Variants in COL25A1 observed in about 807,000 individuals in gnomAD.
The protein encoded by COL25A1 is collagen alpha-1(XXV) chain.
A neutral mutation model predicts 128.4 loss-of-function variants in COL25A1; 103 were observed. The observed-to-expected ratio is 0.80, with a 90% CI of 0.68 to 0.94. COL25A1 has a LOEUF of 0.94. Ranked by LOEUF, COL25A1 falls within the 40% of genes least tolerant of loss-of-function variation. The probability of loss-of-function intolerance (pLI) is 0.00; values close to 1 mark genes in which losing one functional copy is unlikely to be tolerated. For missense variants in COL25A1, 745 were observed against 840.0 expected, an observed-to-expected ratio of 0.89 and a Z score of 1.40; for synonymous variants, 279 against 277.2, an observed-to-expected ratio of 1.01 and a Z score of -0.06.
chr4:108,856,493 G>C (rs1736521969), intron 24 of COL25A1, among the ~76,000 whole-genome samples: 1 of 152,088 alleles, frequency 6.6e-6, no homozygotes, highest in Non-Finnish European at 1.5e-5. Context: ...ACTGGTTAGA[G>C]AATTAGAAGA....
intron 3 of COL25A1, among the ~76,000 whole-genome samples, chr4:109,171,703 A>G (rs1773604482): frequency 6.6e-6 from 1 of 152,222 alleles, no homozygotes; most frequent in South Asian, 2.1e-4. Context: ...CTACTTTGAC[A>G]TAACACCTGA....
At chr4:109,054,966 G>C (rs1240499193) in intron 3 of COL25A1, among the ~76,000 whole-genome samples, 1 of 152,166 alleles carries the variant, frequency 6.6e-6, no homozygotes, top group Non-Finnish European at 1.5e-5. Context: ...GGAGACAGCG[G>C]ATCATCCTTT....
intron 3 of COL25A1, among the ~76,000 whole-genome samples, chr4:109,193,995 G>C (rs1775819895): frequency 6.6e-6 from 1 of 152,146 alleles, no homozygotes; most frequent in Non-Finnish European, 1.5e-5. Context: ...CAAGGTCTTT[G>C]ACTAATACCA....
In COL25A1 at chr4:109,106,178, T is replaced by C. The variant is rs974787370; in HGVS notation, c.368-55999A>G. ...AGCTATACAAATTATCTTTCTCTTT[T>C]TGCCTCCCTACTCCTATCCCACAAT... On this transcript the variant is annotated intron_variant, in intron 3 of 37. Transcript: ENST00000399132. Among the ~76,000 whole-genome samples the C allele has an allele frequency of 5.3e-5, 8 of 152,296 alleles. No individual in the cohort carries two copies. The East Asian group carries it at 1.4e-3, about 26-fold the overall frequency.
Position 109,301,851 on chromosome 4 carries a change from T to C in COL25A1, c.169A>G (p.Asn57Asp). 7 of 1,614,190 alleles carry C rather than the reference T, an allele frequency of 4.3e-6. No homozygotes were observed. The highest frequency in any genetic ancestry group is 5.9e-6 in the Non-Finnish European group (7 of 1,180,038). The change falls in exon 2 of 38, where the codon AAC becomes GAC. Residue 57 changes from asparagine to aspartate, a missense_variant. Physicochemically the swap from Asn to Asp is conservative, Grantham distance 23. Transcript: ENST00000399132. ...GCGGCGATCCTCGCCTGGAGGTCGT[T>C]GGTTTTCACACCCAGGTACAGGCAA... The part of the protein sequence containing the change: ...VSCLYLGVKT[N>D]DLQARIAALE...
At chr4:108,813,960 C>T in intron 37 of COL25A1, 31 bp from the exon 38 acceptor site, 2 of 1,557,722 alleles carry the variant, frequency 1.3e-6, no homozygotes, top group African/African-American at 1.4e-5. Context: ...AAGACAAATA[C>T]ATGGAATTAG....
chr4:109,276,866 T>C (rs114109447), intron 3 of COL25A1, among the ~76,000 whole-genome samples: 147 of 152,324 alleles, frequency 9.7e-4, no homozygotes, highest in African/African-American at 3.4e-3. Context: ...AGTTCTGCCC[T>C]GTAGTAGAAA....
At chr4:108,940,736 T>C in intron 9 of COL25A1, 90 bp from the exon 10 acceptor site, 1 of 814,818 alleles carries the variant, frequency 1.2e-6, no homozygotes, top group Non-Finnish European at 1.9e-6. Flanking sequence ...TATTATCTAA[T>C]TCACATTTAC....
At chr4:108,867,552 C>T (rs1045137353) in intron 20 of COL25A1, among the ~76,000 whole-genome samples, 1 of 152,112 alleles carries the variant, frequency 6.6e-6, no homozygotes, top group African/African-American at 2.4e-5. Flanking sequence ...GAGTTTCAGT[C>T]CCCCCTAGGA....
intron 19 of COL25A1, among the ~76,000 whole-genome samples, chr4:108,876,742 T>C (rs1265777398): frequency 6.6e-6 from 1 of 152,164 alleles, no homozygotes; most frequent in Non-Finnish European, 1.5e-5. Context: ...GCCCTGTTGG[T>C]GTTATTATAG....
chr4:109,001,386 C>CATGTCAGGTAGGCAT (rs1755366974), intron 6 of COL25A1, among the ~76,000 whole-genome samples: 1 of 152,158 alleles, frequency 6.6e-6, no homozygotes, highest in Admixed American at 6.5e-5. Flanking sequence ...CATCTGAGAT[C>CATGTCAGGTAGGCAT]CTGTCAGGTA....
intron 6 of COL25A1, among the ~76,000 whole-genome samples, chr4:108,978,381 T>C (rs1467172343): frequency 6.6e-6 from 1 of 152,208 alleles, no homozygotes; most frequent in Non-Finnish European, 1.5e-5. Context: ...ACTGAAAATA[T>C]GGGTTAAATT....
intron 24 of COL25A1, among the ~76,000 whole-genome samples, chr4:108,854,647 C>T (rs1399172040): frequency 6.6e-6 from 1 of 152,050 alleles, no homozygotes; most frequent in African/African-American, 2.4e-5. Context: ...AAATGCAAAT[C>T]AAAACCACAA....
At chr4:108,990,242 ATATATATATATAT>A (rs1754079780) in intron 6 of COL25A1, among the ~76,000 whole-genome samples, 1 of 19,928 alleles carries the variant, frequency 5.0e-5, no homozygotes, top group African/African-American at 1.6e-4. Flanking sequence ...AAAAAAAAAT[ATATATATATATAT>A]ATATATATAT....
At chr4:109,247,188 A>ACC (rs1007006534) in intron 3 of COL25A1, among the ~76,000 whole-genome samples, 6 of 152,206 alleles carry the variant, frequency 3.9e-5, no homozygotes, top group Admixed American at 3.9e-4. Flanking sequence ...ACATGGTAAA[A>ACC]CCCCATCTCC....
intron 3 of COL25A1, among the ~76,000 whole-genome samples, chr4:109,218,853 T>G (rs1446002577): frequency 6.6e-6 from 1 of 152,094 alleles, no homozygotes; most frequent in Non-Finnish European, 1.5e-5. Flanking sequence ...CATTTAGAAT[T>G]AAAGTGATAA....
chr4:109,031,693 G>C (rs1356872361), intron 5 of COL25A1, among the ~76,000 whole-genome samples: 3 of 152,118 alleles, frequency 2.0e-5, no homozygotes, highest in Admixed American at 1.3e-4. Context: ...GGCATAGTTA[G>C]ACCTGGCAGT....
At chr4:108,996,840 C>A (rs1754826986) in intron 6 of COL25A1, among the ~76,000 whole-genome samples, 1 of 152,170 alleles carries the variant, frequency 6.6e-6, no homozygotes, top group Admixed American at 6.5e-5. Context: ...AACCACAGAA[C>A]TACATGGAAA....
intron 35 of COL25A1, among the ~76,000 whole-genome samples, chr4:108,820,815 G>A (rs1210773892): frequency 6.6e-6 from 1 of 152,134 alleles, no homozygotes; most frequent in Non-Finnish European, 1.5e-5. Flanking sequence ...TGTAGCTATG[G>A]AAATTAGTAT....
Sources: allele counts gnomAD v4.1 joint callset (sites outside exome capture counted in the v4.1 genomes callset), GRCh38; gene constraint gnomAD v4.1.1; transcripts MANE v1.5; gene names NCBI Gene and HGNC (gene_info 2026-07-23, HGNC 2026-07-21).